The following SDK1 variants were observed in gnomAD, a reference collection of about 807,000 sequenced individuals.
The protein encoded by SDK1 is protein sidekick-1.
SDK1 carries 157 observed loss-of-function variants against 245.5 expected under a neutral mutation model. The ratio of observed to expected loss-of-function variants is 0.64; its 90% CI spans 0.56 to 0.73. SDK1 has a LOEUF of 0.73. Among genes scored for constraint, SDK1 ranks in the 30% least tolerant of loss-of-function variants. The pLI is 0.00. For synonymous variants in SDK1, 1,647 were observed against 1,278.5 expected, an observed-to-expected ratio of 1.29 and a Z score of -6.15; for missense variants, 3,583 against 3,002.3, an observed-to-expected ratio of 1.19 and a Z score of -4.52.
chr7:4,122,246 C>T (rs1346147493), intron 25 of SDK1, among the ~76,000 whole-genome samples: 1 of 152,166 alleles, frequency 6.6e-6, no homozygotes, highest in Non-Finnish European at 1.5e-5. Flanking sequence ...TGACTTTGGG[C>T]CTTCCCTGGC....
intron 1 of SDK1, among the ~76,000 whole-genome samples, chr7:3,356,214 C>T (rs939441897): frequency 6.6e-6 from 1 of 152,100 alleles, no homozygotes; most frequent in African/African-American, 2.4e-5. Context: ...GCTTGCCCTT[C>T]TCTAGTCATC....
chr7:4,032,445 G>A (rs1301258901), intron 17 of SDK1, among the ~76,000 whole-genome samples: 1 of 152,180 alleles, frequency 6.6e-6, no homozygotes, highest in Non-Finnish European at 1.5e-5. Flanking sequence ...AGAAGCGTAA[G>A]GTAGTCCACA....
intron 20 of SDK1, among the ~76,000 whole-genome samples, chr7:4,072,671 G>A (rs1042447992): frequency 2.6e-5 from 4 of 152,222 alleles, no homozygotes; most frequent in Non-Finnish European, 2.9e-5. Context: ...GTGTTGGTGC[G>A]GCACCACCAT....
intron 1 of SDK1, among the ~76,000 whole-genome samples, chr7:3,424,252 T>G (rs1286968679): frequency 1.3e-5 from 2 of 152,200 alleles, no homozygotes; most frequent in African/African-American, 2.4e-5. Context: ...ATAGTTCATT[T>G]TGAACAAATT....
rs78326224 is a variant in SDK1 at position 3,864,166 on chromosome 7, A to G, written c.847+42583A>G. 5.0e-3 allele frequency among the ~76,000 whole-genome samples: 761 copies of G among 152,208 alleles called. 9 individuals are homozygous for G. The highest frequency in any genetic ancestry group is 0.017 in the African/African-American group (709 of 41,528). On this transcript the variant is annotated intron_variant, in intron 5 of 44. Coordinates refer to ENST00000404826, the MANE Select transcript of SDK1 (RefSeq NM_152744.4). ...TTAGTACAAAGAAGTAGGCTGGTCTATTTTTCATTCACTGTGCCTGGAACT... is the reference window on the plus strand; with the variant it reads ...TTAGTACAAAGAAGTAGGCTGGTCTGTTTTTCATTCACTGTGCCTGGAACT...
intron 1 of SDK1, among the ~76,000 whole-genome samples, chr7:3,550,568 C>T (rs1329329693): frequency 1.3e-5 from 2 of 152,160 alleles, no homozygotes; most frequent in East Asian, 3.9e-4. Context: ...GCCTATTTAT[C>T]ATATCTTTGG....
chr7:3,955,614 T>C (rs994979411), intron 7 of SDK1, among the ~76,000 whole-genome samples: 3 of 152,144 alleles, frequency 2.0e-5, no homozygotes, highest in African/African-American at 7.2e-5. Context: ...GACATGCTGC[T>C]CCCTGAGAGG....
intron 35 of SDK1, among the ~76,000 whole-genome samples, chr7:4,189,991 G>GAA (rs898409403): frequency 2.4e-3 from 357 of 148,182 alleles, no homozygotes; most frequent in African/African-American, 8.0e-3. Flanking sequence ...TGGAATGAGA[G>GAA]AAAAAAAAAA....
intron 7 of SDK1, among the ~76,000 whole-genome samples, chr7:3,956,133 A>C (rs1338267600): frequency 6.6e-6 from 1 of 152,236 alleles, no homozygotes; most frequent in Non-Finnish European, 1.5e-5. Flanking sequence ...TCAGAAGTCC[A>C]GGGTGGACCC....
chr7:3,930,596 G>A (rs551861434), intron 5 of SDK1, among the ~76,000 whole-genome samples: 11 of 152,300 alleles, frequency 7.2e-5, no homozygotes, highest in South Asian at 4.1e-4. Flanking sequence ...AAGCTAATTC[G>A]TAAGTGGGTT....
chr7:3,481,807 C>G (rs747370740), intron 1 of SDK1, among the ~76,000 whole-genome samples: 4 of 152,218 alleles, frequency 2.6e-5, no homozygotes, highest in Admixed American at 1.3e-4. Flanking sequence ...TTTTACTAAA[C>G]TGTCCTACCT....
chr7:3,816,796 C>G (rs377008571), intron 4 of SDK1, among the ~76,000 whole-genome samples: 2 of 152,132 alleles, frequency 1.3e-5, no homozygotes, highest in African/African-American at 4.8e-5. Flanking sequence ...ACTCAGAACA[C>G]TAAGCCTTGG....
At chr7:3,680,845 T>TTATG (rs1360079008) in intron 4 of SDK1, among the ~76,000 whole-genome samples, 3 of 151,956 alleles carry the variant, frequency 2.0e-5, no homozygotes, top group Non-Finnish European at 2.9e-5. Context: ...ATTTATTTAT[T>TTATG]TATTTATGTA....
intron 4 of SDK1, among the ~76,000 whole-genome samples, chr7:3,706,205 G>A (rs1583325770): frequency 6.6e-6 from 1 of 152,146 alleles, no homozygotes; most frequent in East Asian, 1.9e-4. Context: ...TATTCATCAA[G>A]GATATTGGTC....
intron 38 of SDK1, among the ~76,000 whole-genome samples, chr7:4,215,519 G>C (rs1022498176): frequency 2.6e-5 from 4 of 152,222 alleles, no homozygotes; most frequent in African/African-American, 9.6e-5. Flanking sequence ...TGGCCTGTGG[G>C]GTGACAGTCA....
chr7:3,513,347 T>C lies in SDK1; in HGVS notation c.299-105733T>C, dbSNP rs776330452. 6.4e-4 allele frequency among the ~76,000 whole-genome samples: 98 copies of C among 152,204 alleles called. 2 individuals carry two copies. The highest frequency in any genetic ancestry group is 1.5e-4 in the Non-Finnish European group (10 of 68,036). ...GATATGCTATATAGAGGAAGACTAT[T>C]TTTTAAATTTCGGTTATTCTCAAGT... On this transcript the variant is annotated intron_variant, in intron 1 of 44. Transcript: ENST00000404826.
At chr7:3,651,203 T>C (rs1283501175) in intron 4 of SDK1, among the ~76,000 whole-genome samples, 1 of 151,844 alleles carries the variant, frequency 6.6e-6, no homozygotes, top group Non-Finnish European at 1.5e-5. Context: ...ACCAGCAATG[T>C]ACGAATGATT....
intron 4 of SDK1, among the ~76,000 whole-genome samples, chr7:3,668,961 G>C (rs568869281): frequency 1.3e-5 from 2 of 152,330 alleles, no homozygotes; most frequent in East Asian, 3.9e-4. Context: ...GGCTCTGGCA[G>C]AGCATGTCTG....
intron 1 of SDK1, among the ~76,000 whole-genome samples, chr7:3,302,900 C>T (rs542658041): frequency 1.3e-5 from 2 of 152,258 alleles, no homozygotes; most frequent in Admixed American, 1.3e-4. Flanking sequence ...CTTAAATTAG[C>T]TGTGTTCTGT....
Sources: gnomAD v4.1 joint callset for allele counts (sites outside exome capture counted in the v4.1 genomes callset) on GRCh38, gnomAD v4.1.1 for gene constraint, MANE v1.5 for transcripts, NCBI Gene and HGNC (gene_info 2026-07-23, HGNC 2026-07-21) for gene names.